The following MED13L variants were observed in gnomAD, a reference collection of about 807,000 sequenced individuals.
MED13L encodes the protein mediator of RNA polymerase II transcription subunit 13-like.
MED13L carries 7 observed loss-of-function variants against 220.9 expected under a neutral mutation model. The observed-to-expected ratio is 0.03, with a 90% CI of 0.02 to 0.06. MED13L has a LOEUF of 0.06. MED13L is among the 10% of genes least tolerant of loss of function. MED13L has a pLI of 1.00. For synonymous variants in MED13L, 1,011 were observed against 1,015.2 expected (o/e 1.00, Z 0.08); for missense variants, 1,965 against 2,760.5 (o/e 0.71, Z 6.46).
chr12:116,046,891 T>C (rs1374080912), intron 4 of MED13L, among the ~76,000 whole-genome samples: 3 of 152,178 alleles, frequency 2.0e-5, no homozygotes, highest in Non-Finnish European at 4.4e-5. Flanking sequence ...GAGAATGGCA[T>C]GAACCTGGGA....
chr12:116,049,308 C>G (rs537411457), intron 4 of MED13L, among the ~76,000 whole-genome samples: 1 of 152,204 alleles, frequency 6.6e-6, no homozygotes, highest in East Asian at 1.9e-4. Flanking sequence ...ACATATTTCC[C>G]AAGGCCAAAA....
intron 2 of MED13L, among the ~76,000 whole-genome samples, chr12:116,161,508 C>T (rs1878851777): frequency 6.6e-6 from 1 of 152,162 alleles, no homozygotes; most frequent in Non-Finnish European, 1.5e-5. Flanking sequence ...AAAGCAATTA[C>T]ATTTAATAAA....
chr12:116,161,334 C>T (rs1218636325), intron 2 of MED13L, among the ~76,000 whole-genome samples: 2 of 152,066 alleles, frequency 1.3e-5, no homozygotes, highest in Non-Finnish European at 2.9e-5. Context: ...GTGGCAAAGT[C>T]CTCAGGAGAA....
chr12:115,961,498 A>C, intron 30 of MED13L, 100 bp from the exon 31 acceptor site: 57 of 1,491,964 alleles, frequency 3.8e-5, no homozygotes, highest in Non-Finnish European at 4.4e-5. Flanking sequence ...AGGAGGTCTC[A>C]AAGGCATTCC....
intron 4 of MED13L, among the ~76,000 whole-genome samples, chr12:116,095,904 TA>T (rs1285814899): frequency 2.0e-5 from 3 of 152,196 alleles, no homozygotes; most frequent in African/African-American, 7.2e-5. Context: ...ATATGATGGC[TA>T]AAAGTTTAGG....
chr12:116,080,943 T>C (rs895579575), intron 4 of MED13L, among the ~76,000 whole-genome samples: 2 of 152,220 alleles, frequency 1.3e-5, no homozygotes, highest in African/African-American at 4.8e-5. Context: ...AATACGAAGG[T>C]ATTCCTAGGG....
intron 4 of MED13L, among the ~76,000 whole-genome samples, chr12:116,036,902 C>T (rs948411113): frequency 6.6e-6 from 1 of 152,118 alleles, no homozygotes; most frequent in Admixed American, 6.5e-5. Context: ...ATAGTATCCA[C>T]ATAATGAGAC....
chr12:116,095,133 T>TG, intron 4 of MED13L, among the ~76,000 whole-genome samples: 1 of 152,194 alleles, frequency 6.6e-6, no homozygotes, highest in African/African-American at 2.4e-5. Flanking sequence ...CTGGCACTCC[T>TG]GCCTGGATAA....
At chr12:116,060,174 T>G (rs887619777) in intron 4 of MED13L, among the ~76,000 whole-genome samples, 1 of 152,154 alleles carries the variant, frequency 6.6e-6, no homozygotes, top group Non-Finnish European at 1.5e-5. Context: ...TCTGTGGGCC[T>G]GGAGCATTCT....
intron 2 of MED13L, among the ~76,000 whole-genome samples, chr12:116,112,862 C>T (rs1165234198): frequency 6.6e-6 from 1 of 152,040 alleles, no homozygotes; most frequent in African/African-American, 2.4e-5. Context: ...GAAAGAACAC[C>T]CCACATTAAT....
Position 116,096,746 on chromosome 12 carries a change from T to G in MED13L, c.402A>C (p.Leu134=). 6.2e-7 allele frequency: 1 copy of G among 1,613,170 alleles called. No individual in the cohort carries two copies. The highest frequency in any genetic ancestry group is 8.5e-7 in the Non-Finnish European group (1 of 1,179,214). ...KAIHNLLERC[L]MDKNFVRIGK... ...CAATCCTAACGAAGTTCTTATCCATTAGGCACCTAAAATAATTACATCAAG... is the reference window on the plus strand; with the variant it reads ...CAATCCTAACGAAGTTCTTATCCATGAGGCACCTAAAATAATTACATCAAG... Residue 134 remains leucine (L), a synonymous_variant, in exon 4 of 31, where the codon CTA becomes CTC. Transcript: ENST00000281928.
At chr12:115,970,094 G>A (rs1876478020) in intron 27 of MED13L, among the ~76,000 whole-genome samples, 2 of 152,044 alleles carry the variant, frequency 1.3e-5, no homozygotes, top group African/African-American at 2.4e-5. Flanking sequence ...AATGCAAATG[G>A]ATGCTGTGTT....
intron 2 of MED13L, among the ~76,000 whole-genome samples, chr12:116,116,478 T>C (rs1430719338): frequency 6.6e-6 from 1 of 152,084 alleles, no homozygotes; most frequent in Admixed American, 6.6e-5. Context: ...GCCCTATGCA[T>C]CTCTTCCATT....
At chr12:116,232,489 C>T (rs1300725559) in intron 2 of MED13L, among the ~76,000 whole-genome samples, 5 of 152,196 alleles carry the variant, frequency 3.3e-5, no homozygotes, top group East Asian at 1.9e-4. Context: ...TCAATATCCT[C>T]GCATTATCAA....
chr12:116,099,091 G>C (rs1196610580), intron 3 of MED13L, among the ~76,000 whole-genome samples: 2 of 152,180 alleles, frequency 1.3e-5, no homozygotes, highest in Non-Finnish European at 2.9e-5. Context: ...AGTAATAAAA[G>C]ATGAGTGTTA....
intron 1 of MED13L, among the ~76,000 whole-genome samples, chr12:116,247,750 C>A (rs1358110991): frequency 6.6e-6 from 1 of 152,142 alleles, no homozygotes; most frequent in Non-Finnish European, 1.5e-5. Flanking sequence ...CCTCAAGTGT[C>A]ATTTTCTTTT....
chr12:116,114,642 A>T (rs768028783), intron 2 of MED13L, among the ~76,000 whole-genome samples: 3 of 152,188 alleles, frequency 2.0e-5, no homozygotes, highest in Non-Finnish European at 2.9e-5. Context: ...ATCCAATACA[A>T]TAGGGCAAGA....
At chr12:116,023,801 A>G (rs969289174) in intron 4 of MED13L, among the ~76,000 whole-genome samples, 6 of 152,234 alleles carry the variant, frequency 3.9e-5, no homozygotes, top group Admixed American at 2.6e-4. Context: ...AATTTTGAAA[A>G]AAAGTTTTAA....
At chr12:115,996,929 A>G (rs1207862677) in intron 15 of MED13L, 81 bp downstream of exon 15, 1 of 1,415,462 alleles carries the variant, frequency 7.1e-7, no homozygotes, top group Non-Finnish European at 1.0e-6. Context: ...TGGCACACAG[A>G]CAATACCATT....
Sources: gnomAD v4.1 joint callset for allele counts (sites outside exome capture counted in the v4.1 genomes callset) on GRCh38, gnomAD v4.1.1 for gene constraint, MANE v1.5 for transcripts, NCBI Gene and HGNC (gene_info 2026-07-23, HGNC 2026-07-21) for gene names.